EIF5B: variants seen among roughly 807,000 people sequenced by gnomAD.
EIF5B encodes eIF-5B.
A neutral mutation model predicts 147.5 loss-of-function variants in EIF5B; 47 were observed. The observed-to-expected ratio is 0.32, with a 90% CI of 0.25 to 0.41. EIF5B has a LOEUF of 0.41. EIF5B is among the 10% of genes least tolerant of loss of function. The probability of loss-of-function intolerance (pLI) is 1.00; values close to 1 mark genes in which losing one functional copy is unlikely to be tolerated. For missense variants in EIF5B, 1,064 were observed against 1,413.2 expected (o/e 0.75, Z 3.96); for synonymous variants, 455 against 456.2 (o/e 1.00, Z 0.03).
Position 99,387,069 on chromosome 2 carries a change from C to T in EIF5B, c.2272-2649C>T, listed in dbSNP as rs186972054. ...GAATTACAGGTACATGCCACCACACCTGGCTGATTTGTATTTTTAGTAGAG... is the reference window on the plus strand; with the variant it reads ...GAATTACAGGTACATGCCACCACACTTGGCTGATTTGTATTTTTAGTAGAG... On this transcript the variant is annotated intron_variant, in intron 14 of 23. Transcript: ENST00000289371. 3.3e-5 allele frequency among the ~76,000 whole-genome samples: 5 copies of T among 152,202 alleles called. No individual in the cohort carries two copies. The East Asian group carries it at 9.7e-4, about 29-fold the overall frequency.
At chr2:99,386,453 CTTTGT>C (rs1367157540) in intron 14 of EIF5B, among the ~76,000 whole-genome samples, 7 of 136,832 alleles carry the variant, frequency 5.1e-5, no homozygotes, top group South Asian at 2.3e-4. Flanking sequence ...TTTTCATTTT[CTTTGT>C]TTTGTTTTGC....
intron 1 of EIF5B, chr2:99,338,269 C>A: frequency 1.6e-6 from 2 of 1,271,514 alleles, no homozygotes; most frequent in Non-Finnish European, 2.1e-6. Flanking sequence ...TTCTAACCAC[C>A]TGCAATGCTT....
chr2:99,378,934 T>A, intron 10 of EIF5B, 85 bp from the exon 11 acceptor site: 1 of 1,109,122 alleles, frequency 9.0e-7, no homozygotes, highest in South Asian at 2.0e-5. Context: ...TGTAGCATTC[T>A]TTTGCCAAGG....
intron 23 of EIF5B, 23 bp downstream of exon 23, chr2:99,398,932 C>T: frequency 6.2e-7 from 1 of 1,608,296 alleles, no homozygotes; most frequent in South Asian, 1.1e-5. Flanking sequence ...GCAAAAGTGG[C>T]ACACTTTAAG....
intron 1 of EIF5B, among the ~76,000 whole-genome samples, chr2:99,339,097 C>T (rs2094252851): frequency 6.6e-6 from 1 of 150,678 alleles, no homozygotes; most frequent in African/African-American, 2.4e-5. Flanking sequence ...TCACTGCAAC[C>T]TCCACCTCCC....
At chr2:99,398,645 A>T (rs1574944582) in intron 22 of EIF5B, 103 bp from the exon 23 acceptor site, 2 of 1,292,408 alleles carry the variant, frequency 1.5e-6, no homozygotes, top group Non-Finnish European at 2.1e-6. Context: ...CATGACTTTT[A>T]AAACAGGCTT....
At chr2:99,353,836 C>T (rs954442326) in intron 1 of EIF5B, among the ~76,000 whole-genome samples, 2 of 152,126 alleles carry the variant, frequency 1.3e-5, no homozygotes, top group Admixed American at 1.3e-4. Context: ...TGGGATCTAT[C>T]GAAGTTGTTG....
intron 1 of EIF5B, among the ~76,000 whole-genome samples, chr2:99,347,023 T>C (rs2094274833): frequency 6.6e-6 from 1 of 152,166 alleles, no homozygotes; most frequent in African/African-American, 2.4e-5. Flanking sequence ...TTTATTTTAT[T>C]GAGACAGAAT....
In EIF5B at chr2:99,371,780, G is replaced by T; in HGVS notation, c.1552+50G>T. 3 of 1,484,060 alleles carry T rather than the reference G, an allele frequency of 2.0e-6. No homozygotes were observed. The South Asian group carries it at 3.9e-5, about 19-fold the overall frequency. 91.9% of individuals were successfully genotyped at this position (1,484,060 alleles called of 1,614,324 possible). On this transcript the variant is annotated intron_variant, in intron 9 of 23. Coordinates refer to ENST00000289371, the MANE Select transcript of EIF5B (RefSeq NM_015904.4). ...GATACATCCAGTGGTTATTAGAAATGAATGATATATATTTAAATGAATAGT... is the reference window on the plus strand; with the variant it reads ...GATACATCCAGTGGTTATTAGAAATTAATGATATATATTTAAATGAATAGT...
chr2:99,361,902 T>C, intron 4 of EIF5B, 82 bp downstream of exon 4: 1 of 1,356,870 alleles, frequency 7.4e-7, no homozygotes, highest in Non-Finnish European at 9.7e-7. Flanking sequence ...AAGGTCGTTT[T>C]GTTATTTGTC....
At chr2:99,393,232 A>C in intron 18 of EIF5B, 134 bp downstream of exon 18, 3 of 665,970 alleles carry the variant, frequency 4.5e-6, no homozygotes, top group Non-Finnish European at 6.7e-6. Flanking sequence ...CCTCTTAGCA[A>C]ACTTGATGCT....
In EIF5B at chr2:99,398,778, G is replaced by T. The variant is rs769226834; in HGVS notation, c.3424G>T (p.Glu1142Ter). 6.2e-7 allele frequency: 1 copy of T among 1,613,536 alleles called. No individual in the cohort carries two copies. The highest frequency in any genetic ancestry group is 1.7e-5 in the Admixed American group (1 of 59,946). Residue 1142 changes from glutamate (E) to a stop codon, truncating the protein, a stop_gained, in exon 23 of 24, where the codon GAA (glutamate) becomes TAA (stop). Transcript: ENST00000289371. LOFTEE classifies it high-confidence loss of function. ...FVDIGIVTSI[E>*]INHKQVDVAK... The stretch of plus-strand genomic sequence containing the variant: ...TGACATCGGAATAGTAACAAGTATT[G>T]AAATAAACCATAAACAAGTGGATGT...
chr2:99,356,887 A>G (rs1311891165), intron 1 of EIF5B, among the ~76,000 whole-genome samples: 1 of 152,152 alleles, frequency 6.6e-6, no homozygotes, highest in Non-Finnish European at 1.5e-5. Context: ...AACATTTTTC[A>G]TCTACTCCCC....
intron 12 of EIF5B, 128 bp downstream of exon 12, chr2:99,379,556 A>G: frequency 1.5e-6 from 1 of 665,630 alleles, no homozygotes; most frequent in Admixed American, 3.4e-5. Context: ...ATTAACATGT[A>G]CTATTTTGCC....
At chr2:99,390,733 G>A (rs778555426) in intron 17 of EIF5B, 28 bp downstream of exon 17, 29 of 1,585,158 alleles carry the variant, frequency 1.8e-5, no homozygotes, top group African/African-American at 1.3e-4. Context: ...GCATTGACAC[G>A]TGGGGACTTG....
intron 9 of EIF5B, among the ~76,000 whole-genome samples, chr2:99,372,206 A>T (rs1390409919): frequency 6.6e-6 from 1 of 152,044 alleles, no homozygotes; most frequent in East Asian, 1.9e-4. Context: ...GATTTTTTTC[A>T]GCCTCCCCCC....
At chr2:99,378,252 A>C (rs2104221020) in intron 10 of EIF5B, among the ~76,000 whole-genome samples, 1 of 152,340 alleles carries the variant, frequency 6.6e-6, no homozygotes, top group Non-Finnish European at 1.5e-5. Flanking sequence ...TGTAAATGAC[A>C]TTACTTCATA....
intron 18 of EIF5B, among the ~76,000 whole-genome samples, chr2:99,393,949 T>C (rs1674990389): frequency 6.6e-6 from 1 of 152,258 alleles, no homozygotes; most frequent in Non-Finnish European, 1.5e-5. Context: ...TGTGGTACTT[T>C]TTTAACTTTA....
At chr2:99,396,306 C>T (rs1334933802) in intron 21 of EIF5B, among the ~76,000 whole-genome samples, 1 of 152,078 alleles carries the variant, frequency 6.6e-6, no homozygotes, top group Non-Finnish European at 1.5e-5. Context: ...GGTTTGGGAA[C>T]GTGGTGGAGA....
Sources: gnomAD v4.1 joint callset for allele counts (sites outside exome capture counted in the v4.1 genomes callset) on GRCh38, gnomAD v4.1.1 for gene constraint, MANE v1.5 for transcripts, NCBI Gene and HGNC (gene_info 2026-07-23, HGNC 2026-07-21) for gene names.